The following CEP72 variants were observed in gnomAD, a reference collection of about 807,000 sequenced individuals.
CEP72 encodes centrosomal protein 72.
In CEP72, 78 loss-of-function variants were observed where a neutral mutation model predicts 65.7. That is an observed-to-expected ratio of 1.19 (90% CI 0.99 to 1.43). CEP72 has a LOEUF of 1.43. Among genes scored for constraint, CEP72 ranks in the 40% most tolerant of loss-of-function variants. CEP72 has a pLI of 0.00. For synonymous variants in CEP72, 358 were observed against 351.7 expected (o/e 1.02, Z -0.20); for missense variants, 914 against 832.9 (o/e 1.10, Z -1.20).
At chr5:669,445 G>A (rs1740108852), downstream of CEP72, among the ~76,000 whole-genome samples, 1 of 152,156 alleles carries the variant, frequency 6.6e-6, no homozygotes, top group Non-Finnish European at 1.5e-5. Flanking sequence ...AACTGACAGT[G>A]CCCATTGGGC....
downstream of CEP72, among the ~76,000 whole-genome samples, chr5:669,281 C>T (rs1040215471): frequency 1.3e-5 from 1 of 74,638 alleles, no homozygotes; most frequent in African/African-American, 5.4e-5. Context: ...GCTGGTGAGC[C>T]CGGTGAGCCG....
In CEP72 at chr5:635,528, C is replaced by A; in HGVS notation, c.848C>A (p.Ala283Glu). Residue 283 changes from alanine (A) to glutamate (E), a missense_variant, in exon 6 of 12, where the codon GCG becomes GAG. Coordinates refer to ENST00000264935, the MANE Select transcript of CEP72 (RefSeq NM_018140.4). ...GGAGAGCTTCCGCCACTGTACGGAG[C>A]GGAGCCAGAGGCCTCCCGTGCCCCC... is the stretch of plus-strand genomic sequence containing the variant. ...LCGELPPLYG[A>E]EPEASRAPRP... is the part of the protein sequence containing the mutation. 1 of 1,613,918 alleles carries A rather than the reference C, an allele frequency of 6.2e-7. No individual in the cohort carries two copies. Among genetic ancestry groups the A allele is most frequent in the Non-Finnish European group, 8.5e-7 (1 of 1,179,930 alleles).
At chr5:612,507 C>A in intron 1 of CEP72, 64 bp downstream of exon 1, 2 of 1,337,184 alleles carry the variant, frequency 1.5e-6, no homozygotes, top group Non-Finnish European at 1.9e-6. Context: ...CCGAGCTTCC[C>A]GGGGCGGCGG....
intron 7 of CEP72, 55 bp downstream of exon 7, chr5:637,873 G>C: frequency 7.0e-7 from 1 of 1,437,370 alleles, no homozygotes; most frequent in Non-Finnish European, 9.2e-7. Context: ...CTAATGTGGG[G>C]CTGTTACGGC....
chr5:628,684 A>G (rs201967916), intron 4 of CEP72, among the ~76,000 whole-genome samples: 499 of 11,592 alleles, frequency 0.043, 104 homozygotes, highest in East Asian at 0.12. Context: ...AACTCAGGTC[A>G]CAGGCCCCGG....
At chr5:620,950 C>G (rs138422507) in intron 3 of CEP72, among the ~76,000 whole-genome samples, 41 of 152,324 alleles carry the variant, frequency 2.7e-4, no homozygotes, top group African/African-American at 9.9e-4. Context: ...GCTGACCCTA[C>G]CCCGAGTCAC....
chr5:636,825 AAAG>A (rs1208563845), intron 6 of CEP72, among the ~76,000 whole-genome samples: 4 of 151,786 alleles, frequency 2.6e-5, no homozygotes, highest in African/African-American at 9.7e-5. Context: ...AAAAAAAAAA[AAAG>A]AAAAAGAGAA....
rs55811256 is a variant in CEP72 at position 628,467 on chromosome 5, C to T, written c.512+3888C>T. On this transcript the variant is annotated intron_variant, in intron 4 of 11. Coordinates refer to ENST00000264935, the MANE Select transcript of CEP72 (RefSeq NM_018140.4). ...CCCAGCGCCCTTCTTTGTGCAGCTTCTGGAGAACTCAGGTTGCCGTCCCTG... is the reference window on the plus strand; with the variant it reads ...CCCAGCGCCCTTCTTTGTGCAGCTTTTGGAGAACTCAGGTTGCCGTCCCTG... Among the ~76,000 whole-genome samples, 757 of 130,840 alleles carry T rather than the reference C, an allele frequency of 5.8e-3. 2 individuals are homozygous for T. The highest frequency in any genetic ancestry group is 8.8e-3 in the Admixed American group (117 of 13,294). The allele number at this position is 130,840 out of a possible 152,430, so 85.8% of individuals were successfully genotyped here.
chr5:613,110 G>A (rs544053602), intron 1 of CEP72, among the ~76,000 whole-genome samples: 4 of 152,366 alleles, frequency 2.6e-5, no homozygotes, highest in Admixed American at 2.6e-4. Context: ...TCTTGGCTGT[G>A]TGGGGTTTTG....
At chr5:628,866 CG>C (rs35028947) in intron 4 of CEP72, among the ~76,000 whole-genome samples, 1,847 of 79,158 alleles carry the variant, frequency 0.023, 101 homozygotes, top group African/African-American at 0.086. Context: ...CTTTGTGCAG[CG>C]TTCTGGAGAA....
At chr5:650,418 G>A (rs1580033185) in intron 11 of CEP72, among the ~76,000 whole-genome samples, 1 of 72,992 alleles carries the variant, frequency 1.4e-5, no homozygotes, top group African/African-American at 7.5e-5. Flanking sequence ...GTGGGTGTGA[G>A]GTGTGACTGT....
chr5:653,446 G>A lies in CEP72; in HGVS notation c.*293G>A. Reference sequence around the variant, plus strand: ...AGTATCCTGAGATGAAGTAAATGCAGTGTTCTACTGCCTGATGTGAAAGAG... The same window carrying A: ...AGTATCCTGAGATGAAGTAAATGCAATGTTCTACTGCCTGATGTGAAAGAG... On this transcript the variant is annotated 3_prime_UTR_variant, in exon 12 of 12. Transcript: ENST00000264935. 3.8e-6 allele frequency: 1 copy of A among 266,302 alleles called. No individual in the cohort carries two copies. The highest frequency in any genetic ancestry group is 7.0e-6 in the Non-Finnish European group (1 of 142,372). 16.5% of individuals were successfully genotyped at this position (266,302 alleles called of 1,614,324 possible).
In CEP72 at chr5:628,478, A is replaced by T. The variant is rs10070935; in HGVS notation, c.512+3899A>T. 1.0e-2 allele frequency among the ~76,000 whole-genome samples: 988 copies of T among 98,812 alleles called. 13 individuals are homozygous for T. The highest frequency in any genetic ancestry group is 0.062 in the African/African-American group (924 of 14,868). The allele number at this position is 98,812 out of a possible 152,430, so 64.8% of individuals were successfully genotyped here. On this transcript the variant is annotated intron_variant, in intron 4 of 11. Coordinates refer to ENST00000264935, the MANE Select transcript of CEP72 (RefSeq NM_018140.4). ...TCTTTGTGCAGCTTCTGGAGAACTC[A>T]GGTTGCCGTCCCTGGGGAGTGTTCC...
rs79173767 is a variant in CEP72 at position 635,595 on chromosome 5, G to A, written c.904+11G>A. ...TCACCCCACACCCAGGTACTTACGC[G>A]TGTCTTAGTCTGTTTTCTGTTGCTG... is the stretch of plus-strand genomic sequence containing the variant. On this transcript the variant is annotated intron_variant, in intron 6 of 11. Coordinates refer to ENST00000264935, the MANE Select transcript of CEP72 (RefSeq NM_018140.4). 588 of 1,593,372 alleles carry A rather than the reference G, an allele frequency of 3.7e-4. 3 individuals carry two copies. The East Asian group carries it at 7.5e-3, about 20-fold the overall frequency.
intron 4 of CEP72, among the ~76,000 whole-genome samples, chr5:666,529 G>A (rs577914275): frequency 1.3e-5 from 2 of 152,336 alleles, no homozygotes; most frequent in Admixed American, 1.3e-4. Context: ...CTAGGTGGAG[G>A]TGTCCCCCAC....
At chr5:639,257 A>T (rs776137547) in intron 8 of CEP72, 33 bp downstream of exon 8, 4 of 1,529,266 alleles carry the variant, frequency 2.6e-6, no homozygotes, top group Non-Finnish European at 3.5e-6. Flanking sequence ...CTTGCCCTGT[A>T]GGCAGCGTCT....
chr5:625,583 T>C (rs1281555458), intron 4 of CEP72, among the ~76,000 whole-genome samples: 1 of 152,248 alleles, frequency 6.6e-6, no homozygotes, highest in Non-Finnish European at 1.5e-5. Context: ...TCTCTTCCAG[T>C]GTCTCCGAAA....
chr5:675,111 C>T, the CEP72 span, among the ~76,000 whole-genome samples: 1 of 8,110 alleles, frequency 1.2e-4, no homozygotes, highest in Non-Finnish European at 2.1e-4. Context: ...AGGGGTGCAG[C>T]ACGGGGGGTA....
chr5:665,442 C>A (rs1739856505), intron 3 of CEP72: 1 of 750,988 alleles, frequency 1.3e-6, no homozygotes, highest in Non-Finnish European at 2.1e-6. Context: ...CCTTTTAATT[C>A]TTATTTTTAC....
Sources: allele counts gnomAD v4.1 joint callset (sites outside exome capture counted in the v4.1 genomes callset), GRCh38; gene constraint gnomAD v4.1.1; transcripts MANE v1.5; gene names NCBI Gene and HGNC (gene_info 2026-07-23, HGNC 2026-07-21).